Variants in LSM2 observed in about 807,000 individuals in gnomAD.
LSM2 encodes U6 snRNA-associated Sm-like protein LSm2.
LSM2 carries 12 observed loss-of-function variants against 17.0 expected under a neutral mutation model. The observed-to-expected ratio is 0.70, with a 90% CI of 0.45 to 1.14. The LOEUF (loss-of-function observed/expected upper bound fraction) is 1.14, where lower values mean the gene tolerates loss of function less well. Ranked by LOEUF, LSM2 falls within the 50% of genes most tolerant of loss-of-function variation. The pLI is 0.00. For missense variants in LSM2, 62 were observed against 111.8 expected (o/e 0.55, Z 2.01); for synonymous variants, 42 against 44.5 (o/e 0.94, Z 0.22).
intron 2 of LSM2, among the ~76,000 whole-genome samples, chr6:31,802,568 G>C (rs1026714504): frequency 6.8e-6 from 1 of 148,134 alleles, no homozygotes; most frequent in Admixed American, 6.8e-5. Flanking sequence ...GCGTAGACTC[G>C]ACCAGAGCGA....
chr6:31,798,080 TATTA>T (rs759052360), intron 3 of LSM2, 31 bp from the exon 4 acceptor site: 20 of 1,494,100 alleles, frequency 1.3e-5, no homozygotes, highest in Admixed American at 2.4e-5. Context: ...CCATTATTAT[TATTA>T]TTTTTTTTTT....
intron 2 of LSM2, among the ~76,000 whole-genome samples, chr6:31,801,628 C>T (rs1448592780): frequency 6.6e-6 from 1 of 151,430 alleles, no homozygotes; most frequent in Non-Finnish European, 1.5e-5. Flanking sequence ...AACCCCATCC[C>T]TACTAAAAAT....
chr6:31,806,572 T>C, intron 1 of LSM2, 183 bp downstream of exon 1: 1 of 860,622 alleles, frequency 1.2e-6, no homozygotes, highest in South Asian at 1.5e-5. Flanking sequence ...TTTTCCCTCA[T>C]CATGGAAAAA....
chr6:31,798,280 A>G (rs190895721), intron 3 of LSM2, among the ~76,000 whole-genome samples, 197 bp downstream of exon 3: 1 of 151,908 alleles, frequency 6.6e-6, no homozygotes, highest in Non-Finnish European at 1.5e-5. Context: ...ACGGGGTTTC[A>G]CCATGTTTGT....
intron 1 of LSM2, 96 bp from the exon 2 acceptor site, chr6:31,806,238 C>CAG: frequency 9.1e-7 from 1 of 1,102,220 alleles, no homozygotes. Context: ...ATTGTGAACC[C>CAG]CACTGCATCC....
chr6:31,806,130 AAGAAT>A lies in LSM2; in HGVS notation c.11_15del (p.Tyr4PhefsTer17). 6.2e-7 allele frequency: 1 copy of A among 1,612,926 alleles called. No individual in the cohort carries two copies. Among genetic ancestry groups the A allele is most frequent in the Non-Finnish European group, 8.5e-7 (1 of 1,179,894 alleles). The stretch of plus-strand genomic sequence containing the variant: ...TCCTTGCCCACAAGGGACTTGAAAA[AAGAAT>A]AGAAGAGCTATTGGGAGAGAGGGGG... On this transcript the variant is annotated frameshift_variant, in exon 2 of 5. Transcript: ENST00000375661. LOFTEE classifies it high-confidence loss of function.
rs372880853 is a variant in LSM2, at chr6:31,797,838, G to A, written c.207C>T (p.Tyr69=). 4 of 1,612,930 alleles carry A rather than the reference G, an allele frequency of 2.5e-6. No individual in the cohort carries two copies. Among genetic ancestry groups the A allele is most frequent in the South Asian group, 1.1e-5 (1 of 91,070 alleles). ...CGACCTCATCTGCTGGCAGCTGCAC[G>A]TATCGGACCACTGAGCCCCGAATGA... ...NCFIRGSVVR[Y]VQLPADEVDT... The change falls in exon 5 of 5, where the codon TAC becomes TAT. Residue 69 remains tyrosine (Y), a synonymous_variant. Coordinates refer to ENST00000375661, the MANE Select transcript of LSM2 (RefSeq NM_021177.5).
At chr6:31,798,071 CATTATT>C (rs748684722) in intron 3 of LSM2, 22 bp from the exon 4 acceptor site, 13 of 1,520,866 alleles carry the variant, frequency 8.5e-6, no homozygotes, top group African/African-American at 3.0e-5. Context: ...AGATGAACAC[CATTATT>C]ATTATTATTT....
intron 2 of LSM2, among the ~76,000 whole-genome samples, chr6:31,804,299 G>A (rs973045263): frequency 6.6e-6 from 1 of 151,258 alleles, no homozygotes; most frequent in Non-Finnish European, 1.5e-5. Flanking sequence ...GGCAGAGGCT[G>A]CAGTGAGCCG....
At chr6:31,801,441 T>A (rs1814694647) in intron 2 of LSM2, among the ~76,000 whole-genome samples, 2 of 152,166 alleles carry the variant, frequency 1.3e-5, no homozygotes, top group Admixed American at 6.5e-5. Context: ...GTCATTTTAT[T>A]AAGTCCCTTA....
chr6:31,801,078 CG>C (rs1321910299), intron 2 of LSM2, among the ~76,000 whole-genome samples: 2 of 144,552 alleles, frequency 1.4e-5, no homozygotes, highest in African/African-American at 5.2e-5. Context: ...GGCTGAGGCA[CG>C]AGAATCATTT....
rs1814436612 is a variant in LSM2, at chr6:31,797,422, G to A, written c.*335C>T. Reference sequence around the variant, plus strand: ...TTGCATCATAAATTTTATTCCCGATGCGGGACAGATTCCTTCCATCCCCAA... The same window carrying A: ...TTGCATCATAAATTTTATTCCCGATACGGGACAGATTCCTTCCATCCCCAA... On this transcript the variant is annotated 3_prime_UTR_variant, in exon 5 of 5. Coordinates refer to ENST00000375661, the MANE Select transcript of LSM2 (RefSeq NM_021177.5). The A allele has an allele frequency of 3.5e-6, 1 of 284,578 alleles. No individual in the cohort carries two copies. Among genetic ancestry groups the A allele is most frequent in the African/African-American group, 2.2e-5 (1 of 46,048 alleles). The allele number at this position is 284,578 out of a possible 1,614,324, so 17.6% of individuals were successfully genotyped here. A position where few individuals can be genotyped will look rare whatever the true frequency, so the allele number is the denominator to read the frequency against.
In LSM2 at chr6:31,806,846, GT is replaced by G; in HGVS notation, c.-90del. The G allele has an allele frequency of 6.7e-7, 1 of 1,484,986 alleles. No individual in the cohort carries two copies. The highest frequency in any genetic ancestry group is 1.3e-5 in the South Asian group (1 of 75,372). The allele number at this position is 1,484,986 out of a possible 1,614,324, so 92.0% of individuals were successfully genotyped here. On this transcript the variant is annotated 5_prime_UTR_variant, in exon 1 of 5. Transcript: ENST00000375661. ...GGGAAACCGAAGCGCGAGCCCGCGCGTGGGGCGAGGCGGGACCGCGCAGGCG... is the reference window on the plus strand; with the variant it reads ...GGGAAACCGAAGCGCGAGCCCGCGCGGGGGCGAGGCGGGACCGCGCAGGCG...
At position 31,806,846 on chromosome 6, in the gene LSM2, G is replaced by C. The variant is rs1398312897; in HGVS notation, c.-89C>G. 2 of 1,484,868 alleles carry C rather than the reference G, an allele frequency of 1.3e-6. No individual in the cohort carries two copies. The highest frequency in any genetic ancestry group is 9.0e-7 in the Non-Finnish European group (1 of 1,114,994). 92.0% of individuals were successfully genotyped at this position (1,484,868 alleles called of 1,614,324 possible). A position where few individuals can be genotyped will look rare whatever the true frequency, so the allele number is the denominator to read the frequency against. ...GGGAAACCGAAGCGCGAGCCCGCGC[G>C]TGGGGCGAGGCGGGACCGCGCAGGC... On this transcript the variant is annotated 5_prime_UTR_variant, in exon 1 of 5. Coordinates refer to ENST00000375661, the MANE Select transcript of LSM2 (RefSeq NM_021177.5).
chr6:31,798,522 G>A lies in LSM2; in HGVS notation c.72-15C>T. On this transcript the variant is annotated splice_polypyrimidine_tract_variant and intron_variant, in intron 2 of 4. Transcript: ENST00000375661. The stretch of plus-strand genomic sequence containing the variant: ...TTCCACAGATGCTGTCAAGGGCAGA[G>A]GGAGAGAAGAATCAAATTAGTTTAT... 6.2e-7 allele frequency: 1 copy of A among 1,612,730 alleles called. No homozygotes were observed.
chr6:31,798,905 T>G (rs985316966), intron 2 of LSM2, among the ~76,000 whole-genome samples: 1 of 151,878 alleles, frequency 6.6e-6, no homozygotes, highest in African/African-American at 2.4e-5. Context: ...CCCGGCTAAT[T>G]TTTTATTTTT....
intron 2 of LSM2, among the ~76,000 whole-genome samples, chr6:31,805,454 G>T (rs904089667): frequency 6.7e-6 from 1 of 149,180 alleles, no homozygotes; most frequent in African/African-American, 2.5e-5. Flanking sequence ...AACCTCTGCC[G>T]CCCAGGTTCA....
chr6:31,806,251 G>T, intron 1 of LSM2, 109 bp from the exon 2 acceptor site: 2 of 1,013,746 alleles, frequency 2.0e-6, no homozygotes, highest in Non-Finnish European at 1.5e-6. Context: ...CTGCATCCCT[G>T]ACAGTTCTCA....
At chr6:31,804,626 T>C (rs1814897112) in intron 2 of LSM2, among the ~76,000 whole-genome samples, 1 of 152,182 alleles carries the variant, frequency 6.6e-6, no homozygotes, top group African/African-American at 2.4e-5. Flanking sequence ...AGGTATTAGA[T>C]ACACTACATG....
Sources: allele counts gnomAD v4.1 joint callset (sites outside exome capture counted in the v4.1 genomes callset), GRCh38; gene constraint gnomAD v4.1.1; transcripts MANE v1.5; gene names NCBI Gene and HGNC (gene_info 2026-07-23, HGNC 2026-07-21).